Variants in N4BP2 observed in about 807,000 individuals in gnomAD.
N4BP2 encodes the protein NEDD4-binding protein 2.
N4BP2 carries 91 observed loss-of-function variants against 152.8 expected under a neutral mutation model. The ratio of observed to expected loss-of-function variants is 0.60; its 90% CI spans 0.50 to 0.71. The LOEUF is 0.71. Among genes scored for constraint, N4BP2 ranks in the 30% least tolerant of loss-of-function variants. N4BP2 has a pLI of 0.00. For synonymous variants in N4BP2, 646 were observed against 705.3 expected, an observed-to-expected ratio of 0.92 and a Z score of 1.33; for missense variants, 1,923 against 2,059.1, an observed-to-expected ratio of 0.93 and a Z score of 1.28.
chr4:40,122,285 T>G lies in N4BP2; in HGVS notation c.4174T>G (p.Phe1392Val), dbSNP rs116990509. 87 of 1,586,956 alleles carry G rather than the reference T, an allele frequency of 5.5e-5. No homozygotes were observed. In the East Asian group the frequency reaches 1.9e-3, roughly 35 times the overall value. ...ACTGGCTTTTCAACTTAATGAATTATTTGGTCCTGTTGGTATTGATTCAGG... is the reference window on the plus strand; with the variant it reads ...ACTGGCTTTTCAACTTAATGAATTAGTTGGTCCTGTTGGTATTGATTCAGG... ...PELAFQLNEL[F>V]GPVGIDSGSL... Residue 1392 changes from phenylalanine to valine, a missense_variant, in exon 9 of 18, where the codon TTT becomes GTT. Transcript: ENST00000261435.
the N4BP2 span, among the ~76,000 whole-genome samples, chr4:40,181,453 G>T: frequency 6.6e-6 from 1 of 152,254 alleles, no homozygotes. Flanking sequence ...CCCAAGCAAT[G>T]GTGGGCTGTG....
Position 40,118,212 on chromosome 4 carries a change from A to T in N4BP2, c.1820+188A>T, listed in dbSNP as rs188588661. ...GGCAGGTGGATCACCTGAGGTCAGG[A>T]GTTCGAGACCAGCCTGACCAACATG... On this transcript the variant is annotated intron_variant, in intron 8 of 17. Coordinates refer to ENST00000261435, the MANE Select transcript of N4BP2 (RefSeq NM_018177.6). Among the ~76,000 whole-genome samples, 496 of 152,266 alleles carry T rather than the reference A, an allele frequency of 3.3e-3. 1 individual carries two copies. The highest frequency in any genetic ancestry group is 8.7e-3 in the Admixed American group (133 of 15,294).
chr4:40,081,657 A>G (rs1713379230), intron 2 of N4BP2, among the ~76,000 whole-genome samples: 1 of 151,974 alleles, frequency 6.6e-6, no homozygotes, highest in Non-Finnish European at 1.5e-5. Flanking sequence ...AATAAAAAAC[A>G]AAAACAAAAA....
chr4:40,124,011 C>G (rs73229752), intron 10 of N4BP2, 149 bp from the exon 11 acceptor site: 44,192 of 442,824 alleles, frequency 0.1, 2,702 homozygotes, highest in Middle Eastern at 0.14. Context: ...TTTTTATTAT[C>G]TAACTTTATT....
chr4:40,150,230 G>A (rs906517088), intron 16 of N4BP2, among the ~76,000 whole-genome samples: 11 of 152,312 alleles, frequency 7.2e-5, no homozygotes, highest in South Asian at 4.1e-4. Flanking sequence ...ACACTGCTAC[G>A]TACGAATCAT....
chr4:40,115,865 A>T (rs921411342), intron 7 of N4BP2, among the ~76,000 whole-genome samples: 1 of 152,166 alleles, frequency 6.6e-6, no homozygotes, highest in Non-Finnish European at 1.5e-5. Context: ...ATTGTTACTC[A>T]TATCTCCTGT....
At chr4:40,087,430 C>T (rs564199939) in intron 2 of N4BP2, among the ~76,000 whole-genome samples, 2 of 152,230 alleles carry the variant, frequency 1.3e-5, no homozygotes, top group African/African-American at 4.8e-5. Context: ...GTGGCTTGAT[C>T]TTGGCTCACT....
At chr4:40,184,751 T>A in the N4BP2 span, among the ~76,000 whole-genome samples, 4 of 151,746 alleles carry the variant, frequency 2.6e-5, no homozygotes, top group African/African-American at 9.7e-5. Flanking sequence ...AGATCAGGAG[T>A]TCGAGACTAG....
downstream of N4BP2, among the ~76,000 whole-genome samples, chr4:40,161,409 A>G (rs889241820): frequency 2.0e-5 from 3 of 152,166 alleles, no homozygotes; most frequent in Non-Finnish European, 4.4e-5. Context: ...ATAAAACCAC[A>G]CAGGTGGAGG....
chr4:40,164,917 ACT>A, the N4BP2 span, among the ~76,000 whole-genome samples: 23 of 152,128 alleles, frequency 1.5e-4, no homozygotes, highest in East Asian at 5.8e-4. Context: ...GACTCTGAAG[ACT>A]CTGGTGATCT....
intron 2 of N4BP2, among the ~76,000 whole-genome samples, chr4:40,082,395 TTAA>T (rs1713476625): frequency 6.6e-6 from 1 of 152,034 alleles, no homozygotes; most frequent in Non-Finnish European, 1.5e-5. Context: ...TGGGTTCAGC[TTAA>T]TAATAGAAAC....
At chr4:40,161,862 A>C (rs1286891374), downstream of N4BP2, among the ~76,000 whole-genome samples, 1 of 152,214 alleles carries the variant, frequency 6.6e-6, no homozygotes, top group Non-Finnish European at 1.5e-5. Flanking sequence ...GATGAATTCC[A>C]GAATGCTGCA....
chr4:40,058,855 G>T (rs1625495), intron 1 of N4BP2, among the ~76,000 whole-genome samples: 1 of 152,050 alleles, frequency 6.6e-6, no homozygotes, highest in African/African-American at 2.4e-5. Flanking sequence ...AGGTCTGGCC[G>T]TATCGCCAAG....
chr4:40,072,507 G>C (rs1018669966), intron 1 of N4BP2, among the ~76,000 whole-genome samples: 2 of 151,498 alleles, frequency 1.3e-5, no homozygotes, highest in Non-Finnish European at 2.9e-5. Context: ...GCCTCCCAAC[G>C]TGCTGGGATT....
chr4:40,060,880 T>C (rs1733604568), intron 1 of N4BP2, among the ~76,000 whole-genome samples: 2 of 152,188 alleles, frequency 1.3e-5, no homozygotes, highest in African/African-American at 4.8e-5. Context: ...GCTGGGAATA[T>C]GGGCCCGAGC....
chr4:40,091,446 G>C (rs184562397), intron 2 of N4BP2, among the ~76,000 whole-genome samples: 182 of 151,828 alleles, frequency 1.2e-3, no homozygotes, highest in Middle Eastern at 3.4e-3. Flanking sequence ...CTGTTTTTCT[G>C]GTAGTTACCA....
At chr4:40,076,691 T>C (rs554339312) in intron 2 of N4BP2, among the ~76,000 whole-genome samples, 17 of 152,264 alleles carry the variant, frequency 1.1e-4, no homozygotes, top group Admixed American at 2.6e-4. Context: ...GGTTTCACCA[T>C]GTTAGCCAGG....
the N4BP2 span, among the ~76,000 whole-genome samples, chr4:40,179,747 G>A: frequency 6.6e-6 from 1 of 150,824 alleles, no homozygotes; most frequent in African/African-American, 2.4e-5. Context: ...ATTTTAGAGT[G>A]GTAAAGCCTT....
At chr4:40,126,577 A>T (rs1316221851) in intron 12 of N4BP2, among the ~76,000 whole-genome samples, 1 of 152,106 alleles carries the variant, frequency 6.6e-6, no homozygotes, top group Non-Finnish European at 1.5e-5. Flanking sequence ...TTAACTGTAT[A>T]GGTGATTGAG....
Sources: allele counts gnomAD v4.1 joint callset (sites outside exome capture counted in the v4.1 genomes callset), GRCh38; gene constraint gnomAD v4.1.1; transcripts MANE v1.5; gene names NCBI Gene and HGNC (gene_info 2026-07-23, HGNC 2026-07-21).